The following LMX1A variants were observed in gnomAD, a reference collection of about 807,000 sequenced individuals.
LMX1A encodes LIM homeobox transcription factor 1-alpha.
LMX1A carries 15 observed loss-of-function variants against 49.1 expected under a neutral mutation model. The observed-to-expected ratio is 0.31, with a 90% CI of 0.20 to 0.47. The LOEUF (loss-of-function observed/expected upper bound fraction) is 0.47, where lower values mean the gene tolerates loss of function less well. Among genes scored for constraint, LMX1A ranks in the 20% least tolerant of loss-of-function variants. The pLI is 1.00. For synonymous variants in LMX1A, 167 were observed against 185.7 expected (o/e 0.90, Z 0.82); for missense variants, 372 against 475.8 (o/e 0.78, Z 2.03).
At chr1:165,354,209 G>T (rs75391754) in intron 2 of LMX1A, among the ~76,000 whole-genome samples, 4,275 of 152,118 alleles carry the variant, frequency 0.028, 97 homozygotes, top group Non-Finnish European at 0.04. Context: ...ACACTCTTGC[G>T]CTCCCCATTT....
chr1:165,315,028 A>T (rs140827156), intron 3 of LMX1A, among the ~76,000 whole-genome samples: 1 of 152,266 alleles, frequency 6.6e-6, no homozygotes, highest in Non-Finnish European at 1.5e-5. Flanking sequence ...GACTGATCAG[A>T]TACCTATACA....
At chr1:165,259,037 C>T (rs1440517718) in intron 3 of LMX1A, among the ~76,000 whole-genome samples, 1 of 152,184 alleles carries the variant, frequency 6.6e-6, no homozygotes, top group Non-Finnish European at 1.5e-5. Context: ...GCCATTAACT[C>T]CCTTTATTAA....
chr1:165,284,366 T>C (rs1173277651), intron 3 of LMX1A, among the ~76,000 whole-genome samples: 1 of 152,232 alleles, frequency 6.6e-6, no homozygotes, highest in Non-Finnish European at 1.5e-5. Flanking sequence ...CTGATTACCT[T>C]GGCTCCATGC....
intron 3 of LMX1A, among the ~76,000 whole-genome samples, chr1:165,322,452 C>T (rs1043258099): frequency 8.5e-5 from 13 of 152,070 alleles, no homozygotes; most frequent in African/African-American, 3.1e-4. Context: ...GAATGATATG[C>T]CAAATGTGGT....
At chr1:165,232,840 A>T (rs1018260535) in intron 4 of LMX1A, among the ~76,000 whole-genome samples, 1 of 152,126 alleles carries the variant, frequency 6.6e-6, no homozygotes, top group African/African-American at 2.4e-5. Flanking sequence ...TCCTTGCATC[A>T]CTGTCAAGCA....
At chr1:165,285,386 T>A (rs1480934611) in intron 3 of LMX1A, among the ~76,000 whole-genome samples, 1 of 152,216 alleles carries the variant, frequency 6.6e-6, no homozygotes, top group Non-Finnish European at 1.5e-5. Flanking sequence ...TGATGCTATA[T>A]GTCTTATTGT....
rs141937500 is a variant in LMX1A, at chr1:165,206,069, C to T, written c.818-35G>A. The T allele has an allele frequency of 4.2e-3, 6,302 of 1,501,076 alleles. 61 individuals carry two copies. The highest frequency in any genetic ancestry group is 0.036 in the African/African-American group (2,526 of 70,636). 93.0% of individuals were successfully genotyped at this position (1,501,076 alleles called of 1,614,324 possible). A position where few individuals can be genotyped will look rare whatever the true frequency, so the allele number is the denominator to read the frequency against. ...AAAGAAGAAGCCAGGTCATTCTCAA[C>T]GTGCAGCCTGGCATGTGATTTCCCT... On this transcript the variant is annotated intron_variant, in intron 7 of 8. Coordinates refer to ENST00000342310, the MANE Select transcript of LMX1A (RefSeq NM_177398.4).
chr1:165,337,065 T>C (rs888797073), intron 3 of LMX1A, among the ~76,000 whole-genome samples: 5 of 152,274 alleles, frequency 3.3e-5, no homozygotes, highest in African/African-American at 1.2e-4. Flanking sequence ...TCTGGAGAAA[T>C]GTATTTTGTT....
chr1:165,258,216 G>T (rs911751085), intron 3 of LMX1A, among the ~76,000 whole-genome samples: 1 of 152,230 alleles, frequency 6.6e-6, no homozygotes, highest in Non-Finnish European at 1.5e-5. Context: ...ACTGTCTGCC[G>T]GAAAATCTGC....
Position 165,267,005 on chromosome 1 carries a change from A to C in LMX1A, c.264-17365T>G, listed in dbSNP as rs144040437. Among the ~76,000 whole-genome samples, 702 of 139,490 alleles carry C rather than the reference A, an allele frequency of 5.0e-3. 4 individuals carry two copies. The highest frequency in any genetic ancestry group is 0.014 in the South Asian group (61 of 4,366). The allele number at this position is 139,490 out of a possible 152,430, so 91.5% of individuals were successfully genotyped here. ...TTTTCCTTCCTTCCTTCTTTCCTTT[A>C]TTTATTGAGGAGAAATTCATAGATT... On this transcript the variant is annotated intron_variant, in intron 3 of 8. Coordinates refer to ENST00000342310, the MANE Select transcript of LMX1A (RefSeq NM_177398.4).
At chr1:165,310,520 A>G (rs1361972644) in intron 3 of LMX1A, among the ~76,000 whole-genome samples, 1 of 152,236 alleles carries the variant, frequency 6.6e-6, no homozygotes, top group Non-Finnish European at 1.5e-5. Context: ...ATAGCTAGCC[A>G]TCATTATACC....
At chr1:165,212,072 T>C (rs1010137585) in intron 5 of LMX1A, among the ~76,000 whole-genome samples, 3 of 152,236 alleles carry the variant, frequency 2.0e-5, no homozygotes, top group African/African-American at 7.2e-5. Flanking sequence ...TACTTTCTAC[T>C]GATACCTCTC....
At chr1:165,245,628 G>C (rs1194673954) in intron 4 of LMX1A, among the ~76,000 whole-genome samples, 1 of 70,466 alleles carries the variant, frequency 1.4e-5, no homozygotes, top group Non-Finnish European at 2.9e-5. Flanking sequence ...GCTCTGACCA[G>C]GGCAAAAAAA....
chr1:165,222,791 G>A (rs1340587836), intron 4 of LMX1A, among the ~76,000 whole-genome samples: 3 of 152,166 alleles, frequency 2.0e-5, no homozygotes, highest in Non-Finnish European at 4.4e-5. Context: ...GAGGAAAGCC[G>A]AGGCCCATAC....
chr1:165,304,262 A>C (rs937542139), intron 3 of LMX1A, among the ~76,000 whole-genome samples: 1 of 152,180 alleles, frequency 6.6e-6, no homozygotes, highest in Non-Finnish European at 1.5e-5. Context: ...GGCTTAGGGC[A>C]AGTGTCATAT....
intron 3 of LMX1A, among the ~76,000 whole-genome samples, chr1:165,336,566 C>T (rs377149105): frequency 5.3e-5 from 8 of 152,238 alleles, no homozygotes; most frequent in South Asian, 4.1e-4. Context: ...CCAAGAAAAG[C>T]CTTGCTCTAC....
intron 3 of LMX1A, among the ~76,000 whole-genome samples, chr1:165,325,925 C>A (rs983514116): frequency 3.3e-5 from 5 of 152,134 alleles, no homozygotes. Context: ...TACCCTAAGA[C>A]CCTCCCCCGG....
At chr1:165,292,221 A>C (rs1325229271) in intron 3 of LMX1A, among the ~76,000 whole-genome samples, 1 of 152,232 alleles carries the variant, frequency 6.6e-6, no homozygotes, top group African/African-American at 2.4e-5. Context: ...ATCATGTTCC[A>C]ATAGGATGCT....
At chr1:165,343,653 C>T (rs1209720227) in intron 3 of LMX1A, among the ~76,000 whole-genome samples, 2 of 152,130 alleles carry the variant, frequency 1.3e-5, no homozygotes, top group Admixed American at 1.3e-4. Flanking sequence ...CTGTCTATCC[C>T]CTTCCAGCTA....
Sources: allele counts gnomAD v4.1 joint callset (sites outside exome capture counted in the v4.1 genomes callset), GRCh38; gene constraint gnomAD v4.1.1; transcripts MANE v1.5; gene names NCBI Gene and HGNC (gene_info 2026-07-23, HGNC 2026-07-21).